Variants in FRYL observed in about 807,000 individuals in gnomAD.
FRYL encodes the protein protein furry homolog-like.
A neutral mutation model predicts 351.2 loss-of-function variants in FRYL; 150 were observed. The ratio of observed to expected loss-of-function variants is 0.43; its 90% CI spans 0.37 to 0.49. FRYL has a LOEUF of 0.49. Ranked by LOEUF, FRYL falls within the 20% of genes least tolerant of loss-of-function variation. The probability of loss-of-function intolerance (pLI) is 0.00; values close to 1 mark genes in which losing one functional copy is unlikely to be tolerated. For missense variants in FRYL, 3,036 were observed against 3,619.3 expected (o/e 0.84, Z 4.13); for synonymous variants, 1,153 against 1,257.1 (o/e 0.92, Z 1.75).
chr4:48,719,946 T>A (rs1769279359), intron 1 of FRYL, among the ~76,000 whole-genome samples: 1 of 150,548 alleles, frequency 6.6e-6, no homozygotes. Flanking sequence ...GGTCCGGAGA[T>A]CGAGACCATC....
intron 3 of FRYL, among the ~76,000 whole-genome samples, chr4:48,644,232 G>C (rs1157184014): frequency 6.6e-6 from 1 of 152,070 alleles, no homozygotes; most frequent in Non-Finnish European, 1.5e-5. Context: ...ATGAGCCACC[G>C]CGCCTGGCCA....
chr4:48,590,614 ATGAAACTGTAT>A, intron 17 of FRYL, 34 bp downstream of exon 17: 1 of 1,360,472 alleles, frequency 7.4e-7, no homozygotes, highest in Non-Finnish European at 1.0e-6. Flanking sequence ...ATAAAAGAAT[ATGAAACTGTAT>A]TACAAAGCAA....
At chr4:48,745,438 T>C (rs1358795339) in intron 1 of FRYL, among the ~76,000 whole-genome samples, 1 of 152,078 alleles carries the variant, frequency 6.6e-6, no homozygotes, top group Non-Finnish European at 1.5e-5. Context: ...AAAGGATGAG[T>C]TCATGTCCTT....
chr4:48,552,604 A>T (rs1392442234), intron 36 of FRYL, among the ~76,000 whole-genome samples: 4 of 152,122 alleles, frequency 2.6e-5, no homozygotes, highest in African/African-American at 9.7e-5. Flanking sequence ...CAACTATGAA[A>T]CATGAATAGG....
intron 1 of FRYL, among the ~76,000 whole-genome samples, chr4:48,770,272 T>TAA (rs1007999242): frequency 6.6e-6 from 1 of 151,088 alleles, no homozygotes; most frequent in Non-Finnish European, 1.5e-5. Flanking sequence ...CTTCAAAATT[T>TAA]AAAAAAAAAT....
At chr4:48,545,165 G>C (rs922184799) in intron 42 of FRYL, among the ~76,000 whole-genome samples, 1 of 152,192 alleles carries the variant, frequency 6.6e-6, no homozygotes, top group Admixed American at 6.5e-5. Context: ...CAAGTGTGAA[G>C]CATATTGGTT....
At chr4:48,528,774 G>A (rs1474512390) in intron 50 of FRYL, among the ~76,000 whole-genome samples, 1 of 152,088 alleles carries the variant, frequency 6.6e-6, no homozygotes, top group Non-Finnish European at 1.5e-5. Flanking sequence ...GTATGCTTCA[G>A]CAATGTGGTT....
chr4:48,713,572 T>A (rs147095259), intron 1 of FRYL, among the ~76,000 whole-genome samples: 2,536 of 152,278 alleles, frequency 0.017, 31 homozygotes, highest in Non-Finnish European at 0.025. Flanking sequence ...AAGAGCTAAC[T>A]ATCCTAAATA....
intron 1 of FRYL, among the ~76,000 whole-genome samples, chr4:48,742,110 G>C (rs1217162415): frequency 1.3e-5 from 2 of 152,152 alleles, no homozygotes; most frequent in Non-Finnish European, 2.9e-5. Flanking sequence ...ATGCATGTGT[G>C]GGAGCAGGAA....
chr4:48,667,871 C>T (rs1197045359), intron 3 of FRYL, among the ~76,000 whole-genome samples: 19 of 152,232 alleles, frequency 1.2e-4, no homozygotes, highest in Non-Finnish European at 4.4e-5. Context: ...TGGTCTCAAA[C>T]TCCTGGCCTC....
intron 7 of FRYL, among the ~76,000 whole-genome samples, chr4:48,617,363 T>A (rs1296444451): frequency 1.3e-5 from 2 of 150,296 alleles, no homozygotes; most frequent in Non-Finnish European, 1.5e-5. Flanking sequence ...TTTTTTTTTT[T>A]AAAGAGACAG....
At chr4:48,712,558 T>C (rs1768214954) in intron 1 of FRYL, among the ~76,000 whole-genome samples, 2 of 152,142 alleles carry the variant, frequency 1.3e-5, no homozygotes, top group Admixed American at 6.5e-5. Context: ...CCAAGAAATA[T>C]GGTACTGTGT....
intron 2 of FRYL, among the ~76,000 whole-genome samples, chr4:48,706,227 G>C (rs1325152528): frequency 2.0e-5 from 3 of 152,126 alleles, no homozygotes; most frequent in African/African-American, 7.2e-5. Context: ...ATTCACAACA[G>C]CCAAAATGTG....
chr4:48,730,149 A>G (rs1156886826), intron 1 of FRYL, among the ~76,000 whole-genome samples: 1 of 152,196 alleles, frequency 6.6e-6, no homozygotes, highest in African/African-American at 2.4e-5. Flanking sequence ...TGAAGATCAA[A>G]TTAATGAAAT....
In FRYL at chr4:48,528,281, C is replaced by G; in HGVS notation, c.6959G>C (p.Gly2320Ala). The G allele has an allele frequency of 6.2e-7, 1 of 1,613,364 alleles. No homozygotes were observed. The highest frequency in any genetic ancestry group is 8.5e-7 in the Non-Finnish European group (1 of 1,179,538). The change falls in exon 51 of 64, where the codon GGG becomes GCG. Residue 2320 changes from glycine (G) to alanine (A), a missense_variant. Gly to Ala is a moderately conservative substitution (Grantham distance 60). Around this residue, in one of 7 missense-constraint regions of FRYL, gnomAD observed 1,987 missense variants for 2,311.7 expected, o/e 0.86. Transcript: ENST00000358350. ...GDQHSAAGRNGKPKVIAVTRS... is the reference protein window; with the variant it reads ...GDQHSAAGRNAKPKVIAVTRS... ...AGTGACAGCAATAACTTTTGGTTTC[C>G]CATTTCTTCCAGCCGCACTGTGCTG...
At chr4:48,690,704 A>G (rs1296892303) in intron 2 of FRYL, among the ~76,000 whole-genome samples, 1 of 152,210 alleles carries the variant, frequency 6.6e-6, no homozygotes, top group Admixed American at 6.5e-5. Context: ...TTCTAGGGTC[A>G]TCTGTAATCA....
chr4:48,541,648 A>T (rs1023935477), intron 45 of FRYL, among the ~76,000 whole-genome samples: 33 of 152,190 alleles, frequency 2.2e-4, no homozygotes, highest in African/African-American at 8.0e-4. Context: ...GGACTAGTCA[A>T]TTCTGGGCTT....
chr4:48,515,351 C>T (rs1470347324), intron 55 of FRYL, 76 bp from the exon 56 acceptor site: 2 of 1,064,960 alleles, frequency 1.9e-6, no homozygotes, highest in East Asian at 5.1e-5. Context: ...ATAAGTATTG[C>T]CATCCATCTA....
At chr4:48,568,728 T>A (rs1403089254) in intron 27 of FRYL, among the ~76,000 whole-genome samples, 1 of 152,208 alleles carries the variant, frequency 6.6e-6, no homozygotes, top group African/African-American at 2.4e-5. Context: ...CCTTTATTCC[T>A]TAAATAAGTG....
Sources: allele counts gnomAD v4.1 joint callset (sites outside exome capture counted in the v4.1 genomes callset), GRCh38; gene constraint gnomAD v4.1.1; regional missense constraint gnomAD v4.1.1; transcripts MANE v1.5; gene names NCBI Gene and HGNC (gene_info 2026-07-23, HGNC 2026-07-21).